The following USH2A variants were observed in gnomAD, a reference collection of about 807,000 sequenced individuals.
The protein encoded by USH2A is Usher syndrome 2A (autosomal recessive, mild).
USH2A carries 443 observed loss-of-function variants against 538.9 expected under a neutral mutation model. The ratio of observed to expected loss-of-function variants is 0.82; its 90% confidence interval spans 0.76 to 0.89. The LOEUF is 0.89. Ranked by LOEUF, USH2A falls within the 40% of genes least tolerant of loss-of-function variation. USH2A has a pLI of 0.00. For missense variants in USH2A, 6,633 were observed against 6,324.8 expected (o/e 1.05, Z -1.65); for synonymous variants, 2,413 against 2,273.5 (o/e 1.06, Z -1.75).
intron 21 of USH2A, among the ~76,000 whole-genome samples, chr1:216,159,379 A>C (rs996930812): frequency 6.6e-6 from 1 of 152,092 alleles, no homozygotes; most frequent in Non-Finnish European, 1.5e-5. Context: ...TGTTATGAAT[A>C]GTTATTATAT....
intron 52 of USH2A, 54 bp downstream of exon 52, chr1:215,786,616 G>A: frequency 6.3e-7 from 1 of 1,587,666 alleles, no homozygotes; most frequent in African/African-American, 1.3e-5. Context: ...TGCATTTTCA[G>A]CAGCTTCTCA....
chr1:215,882,356 A>G (rs1048597554), intron 41 of USH2A, among the ~76,000 whole-genome samples: 1 of 152,220 alleles, frequency 6.6e-6, no homozygotes, highest in African/African-American at 2.4e-5. Flanking sequence ...CAGTGTAGTA[A>G]TTCCTCTTAT....
At chr1:216,009,410 A>C (rs1668488903) in intron 32 of USH2A, among the ~76,000 whole-genome samples, 1 of 152,158 alleles carries the variant, frequency 6.6e-6, no homozygotes, top group African/African-American at 2.4e-5. Flanking sequence ...GTAGTTCCAA[A>C]TAGCCAGAAA....
chr1:216,325,346 C>A lies in USH2A; in HGVS notation c.1102G>T (p.Gly368Ter), dbSNP rs1265052953. ...TCCAAATCAACTGAAATAGTCACTC[C>A]TTGATTAAGCTGTGTAATGTTTGTA... ...VFTNITQLNQGVTISVDLENG... is the reference protein window; with the variant it reads ...VFTNITQLNQ Residue 368 changes from glycine to a stop codon, truncating the protein, a stop_gained, in exon 6 of 72, where the codon GGA becomes TGA. Transcript: ENST00000307340. LOFTEE classifies it high-confidence loss of function. 6.2e-7 allele frequency: 1 copy of A among 1,613,798 alleles called. No homozygotes were observed. Among genetic ancestry groups the A allele is most frequent in the South Asian group, 1.1e-5 (1 of 91,068 alleles).
chr1:216,207,508 C>T, intron 15 of USH2A, 77 bp from the exon 16 acceptor site: 2 of 1,559,508 alleles, frequency 1.3e-6, no homozygotes, highest in Non-Finnish European at 1.8e-6. Flanking sequence ...AGATATCCAG[C>T]AAAGAGGTCT....
intron 3 of USH2A, among the ~76,000 whole-genome samples, chr1:216,385,450 T>C (rs979639265): frequency 1.3e-5 from 2 of 151,954 alleles, no homozygotes. Flanking sequence ...AGAGAAATAA[T>C]GGTATGAGAA....
chr1:216,161,324 G>T (rs940868464), intron 21 of USH2A, among the ~76,000 whole-genome samples: 3 of 151,920 alleles, frequency 2.0e-5, no homozygotes. Context: ...AACATTTAGT[G>T]TTTCCTTACA....
At chr1:216,404,619 T>TG (rs1491461903) in intron 3 of USH2A, among the ~76,000 whole-genome samples, 1 of 3,830 alleles carries the variant, frequency 2.6e-4, no homozygotes, top group Non-Finnish European at 1.1e-3. Context: ...AAACATAGGC[T>TG]TTTTTTTTTT....
chr1:215,828,719 T>A (rs1396613425), intron 47 of USH2A, among the ~76,000 whole-genome samples: 1 of 152,152 alleles, frequency 6.6e-6, no homozygotes, highest in Non-Finnish European at 1.5e-5. Context: ...ATTAAAGACA[T>A]TAAAAGACAT....
At chr1:216,242,054 C>T (rs993562614) in intron 13 of USH2A, among the ~76,000 whole-genome samples, 3 of 151,970 alleles carry the variant, frequency 2.0e-5, no homozygotes, top group Admixed American at 2.0e-4. Context: ...ATCTTGAGGG[C>T]AAGGATTACC....
chr1:215,682,925 C>T (rs1034355658), intron 61 of USH2A, among the ~76,000 whole-genome samples: 3 of 151,854 alleles, frequency 2.0e-5, no homozygotes, highest in African/African-American at 7.3e-5. Context: ...GTGGCATGAT[C>T]ATGGCTCGGT....
chr1:215,681,715 G>A (rs1423004906), intron 61 of USH2A, among the ~76,000 whole-genome samples: 1 of 152,094 alleles, frequency 6.6e-6, no homozygotes, highest in Admixed American at 6.6e-5. Context: ...AGGTTTTGGT[G>A]CTGTTTTCTG....
At position 216,001,112 on chromosome 1, in the gene USH2A, C is replaced by T. The variant is rs1668256397; in HGVS notation, c.6326-550G>A. Among the ~76,000 whole-genome samples, 3 of 152,142 alleles carry T rather than the reference C, an allele frequency of 2.0e-5. No individual in the cohort carries two copies. In the South Asian group the frequency reaches 6.2e-4, roughly 32 times the overall value. On this transcript the variant is annotated intron_variant, in intron 32 of 71. Transcript: ENST00000307340. ...TCCCTAACACTCCTTGCTGTCACCC[C>T]AGCACAAGATGGAGCTATTAGCCTC... is the stretch of plus-strand genomic sequence containing the variant.
rs747547953 is a variant in USH2A, at chr1:215,888,797, A to G, written c.7852T>C (p.Trp2618Arg). The change falls in exon 41 of 72, where the codon TGG becomes CGG. Residue 2618 changes from tryptophan to arginine, a missense_variant. Transcript: ENST00000307340. ...CSLSPESQTV[W>R]TLPGAPEGIP... The stretch of plus-strand genomic sequence containing the variant: ...CCTTCCGGTGCCCCTGGGAGTGTCC[A>G]TACAGTCTGGGACTCTGGTGAAAGG... 8 of 1,614,124 alleles carry G rather than the reference A, an allele frequency of 5.0e-6. No homozygotes were observed. Among genetic ancestry groups the G allele is most frequent in the Middle Eastern group, 1.6e-4 (1 of 6,062 alleles).
intron 20 of USH2A, among the ~76,000 whole-genome samples, chr1:216,188,226 T>A (rs1480487068): frequency 1.3e-5 from 2 of 151,760 alleles, no homozygotes; most frequent in African/African-American, 2.4e-5. Context: ...ATGAGGATAC[T>A]ATTAGCACAG....
In USH2A at chr1:216,062,573, T is replaced by C. The variant is rs966498550; in HGVS notation, c.6049+7528A>G. Among the ~76,000 whole-genome samples, 10 of 152,284 alleles carry C rather than the reference T, an allele frequency of 6.6e-5. No homozygotes were observed. The South Asian group carries it at 1.5e-3, about 22-fold the overall frequency. On this transcript the variant is annotated intron_variant, in intron 30 of 71. Transcript: ENST00000307340. ...TGAGCAAAATATTTTACATAACTCA[T>C]TTTAATCTTTATAGCAGTTCCATAA...
chr1:215,667,412 G>C (rs1657641754), intron 64 of USH2A, among the ~76,000 whole-genome samples: 1 of 152,058 alleles, frequency 6.6e-6, no homozygotes, highest in Non-Finnish European at 1.5e-5. Context: ...CATTTCTCCA[G>C]ATATTTCCTG....
At chr1:215,875,863 A>ATATTAATTATATATAT (rs1042460952) in intron 43 of USH2A, among the ~76,000 whole-genome samples, 1 of 146,816 alleles carries the variant, frequency 6.8e-6, no homozygotes, top group African/African-American at 2.5e-5. Flanking sequence ...ATTAATATAT[A>ATATTAATTATATATAT]TATTAATTAT....
chr1:216,198,529 G>A lies in USH2A; in HGVS notation c.3867C>T (p.Thr1289=). The A allele has an allele frequency of 6.2e-7, 1 of 1,613,736 alleles. No homozygotes were observed. Among genetic ancestry groups the A allele is most frequent in the African/African-American group, 1.3e-5 (1 of 75,004 alleles). ...GAAAAACTCGACTTTCCTCAGATGT[G>A]GTTTCTTTAGTAGATCTCAGTCTTC... ...YMRRLRSTKE[T]TSEESRVFQS... Residue 1289 remains threonine, a synonymous_variant, in exon 18 of 72, where the codon ACC becomes ACT. Coordinates refer to ENST00000307340, the MANE Select transcript of USH2A (RefSeq NM_206933.4).
Sources: gnomAD v4.1 joint callset for allele counts (sites outside exome capture counted in the v4.1 genomes callset) on GRCh38, gnomAD v4.1.1 for gene constraint, MANE v1.5 for transcripts, NCBI Gene and HGNC (gene_info 2026-07-23, HGNC 2026-07-21) for gene names.